The following PNKD variants were observed in gnomAD, a reference collection of about 807,000 sequenced individuals.
The protein encoded by PNKD is probable thioesterase PNKD.
In PNKD, 36 loss-of-function variants were observed where a neutral mutation model predicts 45.3. The ratio of observed to expected loss-of-function variants is 0.80; its 90% CI spans 0.61 to 1.05. The LOEUF is 1.05. Ranked by LOEUF, PNKD falls within the 50% of genes least tolerant of loss-of-function variation. The probability of loss-of-function intolerance (pLI) is 0.00; values close to 1 mark genes in which losing one functional copy is unlikely to be tolerated. For missense variants in PNKD, 511 were observed against 506.6 expected, an observed-to-expected ratio of 1.01 and a Z score of -0.08; for synonymous variants, 197 against 210.1, an observed-to-expected ratio of 0.94 and a Z score of 0.54.
chr2:218,291,796 C>G (rs1017045110), intron 2 of PNKD, among the ~76,000 whole-genome samples: 1 of 152,174 alleles, frequency 6.6e-6, no homozygotes, highest in African/African-American at 2.4e-5. Flanking sequence ...GATGTTACTC[C>G]CCTGTAGTTC....
At chr2:218,328,311 A>C (rs1174690773) in intron 2 of PNKD, among the ~76,000 whole-genome samples, 1 of 152,074 alleles carries the variant, frequency 6.6e-6, no homozygotes, top group African/African-American at 2.4e-5. Flanking sequence ...CACTTCCTTC[A>C]GGTCTCTGCT....
rs866340938 is a variant in PNKD at position 218,316,275 on chromosome 2, T to C, written c.237-23508T>C. 3.0e-5 allele frequency among the ~76,000 whole-genome samples: 4 copies of C among 133,578 alleles called. 1 individual carries two copies. The highest frequency in any genetic ancestry group is 4.9e-5 in the Non-Finnish European group (3 of 61,058). The allele number at this position is 133,578 out of a possible 152,430, so 87.6% of individuals were successfully genotyped here. On this transcript the variant is annotated intron_variant, in intron 2 of 9. Transcript: ENST00000273077. ...AGATTTTTTTCTTTCTTTCTTTTTT[T>C]TTTTTTTTTTTTGAGACAGAGTCTC...
intron 2 of PNKD, among the ~76,000 whole-genome samples, chr2:218,281,429 G>A (rs891297438): frequency 3.3e-5 from 5 of 152,164 alleles, no homozygotes; most frequent in Non-Finnish European, 5.9e-5. Context: ...GAGCCACCGC[G>A]GCCGGCCTCA....
rs1694613774 is a variant in PNKD, at chr2:218,339,791, T to G, written c.245T>G (p.Leu82Arg). 6.2e-7 allele frequency: 1 copy of G among 1,611,346 alleles called. No homozygotes were observed. ...ACCCACTCGCCCTCTAGGTACAGCC[T>G]GTACACCCGCACCTGGCTCGGGTAC... ...MKAVGLAWYS[L>R]YTRTWLGYLF... The change falls in exon 3 of 10, where the codon CTG becomes CGG. Residue 82 changes from leucine (L) to arginine (R), a missense_variant. Leu to Arg is a moderately radical substitution (Grantham distance 102). Coordinates refer to ENST00000273077, the MANE Select transcript of PNKD (RefSeq NM_015488.5).
chr2:218,275,555 T>C (rs1239625083), intron 2 of PNKD: 5 of 1,613,876 alleles, frequency 3.1e-6, no homozygotes, highest in Non-Finnish European at 8.5e-7. Flanking sequence ...GCGCCAGTGA[T>C]GTAGTCCTCG....
At chr2:218,339,731 T>C in intron 2 of PNKD, 52 bp from the exon 3 acceptor site, 1 of 1,106,316 alleles carries the variant, frequency 9.0e-7, no homozygotes. Context: ...CGAAGGAGTC[T>C]AGGGGAGCTA....
intron 2 of PNKD, among the ~76,000 whole-genome samples, chr2:218,296,967 C>T (rs1693153058): frequency 6.6e-6 from 1 of 152,114 alleles, no homozygotes; most frequent in Admixed American, 6.6e-5. Flanking sequence ...CAAGAGCTAC[C>T]GCGCCGCCCG....
At chr2:218,334,597 G>A (rs1694434859) in intron 2 of PNKD, 2 of 654,908 alleles carry the variant, frequency 3.1e-6, no homozygotes. Flanking sequence ...AGGCTGCAGT[G>A]AGCTATGGAT....
At position 218,340,870 on chromosome 2, in the gene PNKD, G is replaced by A. The variant is rs1168113178; in HGVS notation, c.524+84G>A. The A allele has an allele frequency of 8.5e-7, 1 of 1,170,688 alleles. No individual in the cohort carries two copies. The highest frequency in any genetic ancestry group is 1.5e-5 in the African/African-American group (1 of 66,288). The allele number at this position is 1,170,688 out of a possible 1,614,324, so 72.5% of individuals were successfully genotyped here. On this transcript the variant is annotated intron_variant, in intron 5 of 9. Coordinates refer to ENST00000273077, the MANE Select transcript of PNKD (RefSeq NM_015488.5). This position sits in a 1 kb window ranked among gnomAD's most constrained non-coding sequence, Gnocchi z 4.2. ...GGCCCATTGAGGACGGCCGGGGCCAGAGATCAAGAAGTCAGTACGGGCCGG... is the reference window on the plus strand; with the variant it reads ...GGCCCATTGAGGACGGCCGGGGCCAAAGATCAAGAAGTCAGTACGGGCCGG...
intron 2 of PNKD, among the ~76,000 whole-genome samples, chr2:218,301,818 G>T (rs1693281237): frequency 6.6e-6 from 1 of 152,054 alleles, no homozygotes; most frequent in South Asian, 2.1e-4. Flanking sequence ...AGAAAAGAAA[G>T]GGGCCAGGAC....
chr2:218,332,309 G>A (rs1694350163), intron 2 of PNKD, among the ~76,000 whole-genome samples: 1 of 152,096 alleles, frequency 6.6e-6, no homozygotes, highest in African/African-American at 2.4e-5. Flanking sequence ...ATCCTGTTTT[G>A]GTTGCATATG....
At chr2:218,323,425 G>T (rs866460771) in intron 2 of PNKD, 2 of 1,563,606 alleles carry the variant, frequency 1.3e-6, no homozygotes, top group African/African-American at 2.8e-5. Flanking sequence ...CTGCTCTTCC[G>T]AATCGGGTTA....
chr2:218,308,914 TTCTC>T (rs1693504621), intron 2 of PNKD, among the ~76,000 whole-genome samples: 2 of 152,078 alleles, frequency 1.3e-5, no homozygotes, highest in South Asian at 4.2e-4. Context: ...CTTTCTCTTT[TTCTC>T]TCTTTCTCTC....
intron 2 of PNKD, chr2:218,282,068 C>G: frequency 6.3e-7 from 1 of 1,595,648 alleles, no homozygotes; most frequent in Non-Finnish European, 8.5e-7. Context: ...CTGCCCATAG[C>G]CCCCAGGGGG....
chr2:218,321,009 C>A (rs917804700), intron 2 of PNKD, among the ~76,000 whole-genome samples: 1 of 152,148 alleles, frequency 6.6e-6, no homozygotes, highest in Non-Finnish European at 1.5e-5. Flanking sequence ...TTTTCCCAGT[C>A]CCGCCTTGAC....
chr2:218,276,735 C>G (rs4674280), intron 2 of PNKD, among the ~76,000 whole-genome samples: 75,838 of 152,018 alleles, frequency 0.5, 19,917 homozygotes, highest in African/African-American at 0.67. Flanking sequence ...CAGCTGCCAG[C>G]CAGATTGAAC....
At chr2:218,304,128 A>G (rs895871055) in intron 2 of PNKD, among the ~76,000 whole-genome samples, 2 of 152,050 alleles carry the variant, frequency 1.3e-5, no homozygotes, top group Non-Finnish European at 2.9e-5. Flanking sequence ...AGCCCCTATC[A>G]GTTGGGCCTG....
At chr2:218,339,684 C>A in intron 2 of PNKD, 99 bp from the exon 3 acceptor site, 1 of 758,184 alleles carries the variant, frequency 1.3e-6, no homozygotes. Flanking sequence ...CTCACAGGGT[C>A]ACCAAAGGAA....
At chr2:218,279,746 T>C (rs1030402221) in intron 2 of PNKD, among the ~76,000 whole-genome samples, 2 of 152,204 alleles carry the variant, frequency 1.3e-5, no homozygotes, top group Non-Finnish European at 2.9e-5. Context: ...GGGAGAAAGA[T>C]GTCTGGGGAA....
Sources: gnomAD v4.1 joint callset for allele counts (sites outside exome capture counted in the v4.1 genomes callset) on GRCh38, gnomAD v4.1.1 for gene constraint, Gnocchi (gnomAD v3.1) non-coding constraint, MANE v1.5 for transcripts, NCBI Gene and HGNC (gene_info 2026-07-23, HGNC 2026-07-21) for gene names.